RFX3: variants seen among roughly 807,000 people sequenced by gnomAD.
The protein encoded by RFX3 is transcription factor RFX3.
In RFX3, 14 loss-of-function variants were observed where a neutral mutation model predicts 98.6. The ratio of observed to expected loss-of-function variants is 0.14; its 90% confidence interval spans 0.09 to 0.22. RFX3 has a LOEUF of 0.22. Ranked by LOEUF, RFX3 falls within the 10% of genes least tolerant of loss-of-function variation. The pLI, the probability that RFX3 is intolerant of heterozygous loss-of-function variation, is 1.00. For missense variants in RFX3, 639 were observed against 926.9 expected, an observed-to-expected ratio of 0.69 and a Z score of 4.03; for synonymous variants, 383 against 328.4, an observed-to-expected ratio of 1.17 and a Z score of -1.80.
chr9:3,304,239 T>C (rs2130188906), intron 4 of RFX3, among the ~76,000 whole-genome samples: 1 of 152,166 alleles, frequency 6.6e-6, no homozygotes, highest in Non-Finnish European at 1.5e-5. Context: ...GTATTTATTA[T>C]ATTCATTTTA....
At chr9:3,374,711 A>T (rs1838255379) in intron 2 of RFX3, among the ~76,000 whole-genome samples, 1 of 152,194 alleles carries the variant, frequency 6.6e-6, no homozygotes, top group Non-Finnish European at 1.5e-5. Flanking sequence ...GAAATGGGAA[A>T]TTGTAATGGG....
chr9:3,261,143 G>A (rs1822833509), intron 13 of RFX3, among the ~76,000 whole-genome samples: 1 of 151,922 alleles, frequency 6.6e-6, no homozygotes, highest in Non-Finnish European at 1.5e-5. Flanking sequence ...TTACTGAAAT[G>A]TAATTCACAT....
At chr9:3,456,744 A>G (rs1847185179) in intron 1 of RFX3, among the ~76,000 whole-genome samples, 1 of 152,102 alleles carries the variant, frequency 6.6e-6, no homozygotes, top group Non-Finnish European at 1.5e-5. Flanking sequence ...CTCCACCTAC[A>G]TGGGGAAAAA....
intron 1 of RFX3, among the ~76,000 whole-genome samples, chr9:3,398,914 T>TAAAAAAAAAAAAAAAAA (rs71324247): frequency 1.2e-4 from 8 of 67,566 alleles, no homozygotes; most frequent in East Asian, 9.6e-4. Flanking sequence ...TAGAGTATAA[T>TAAAAAAAAAAAAAAAAA]AAAAAAAAAA....
chr9:3,338,306 A>T (rs1833434775), intron 3 of RFX3, among the ~76,000 whole-genome samples: 1 of 152,230 alleles, frequency 6.6e-6, no homozygotes, highest in South Asian at 2.1e-4. Flanking sequence ...AACAAAAAGC[A>T]TTTATTCAGC....
chr9:3,305,412 G>C (rs949965382), intron 4 of RFX3, among the ~76,000 whole-genome samples: 1 of 151,974 alleles, frequency 6.6e-6, no homozygotes, highest in Admixed American at 6.6e-5. Context: ...GGTTAAAATA[G>C]GTGAAAGCAA....
At chr9:3,407,734 G>A (rs950967610) in intron 1 of RFX3, among the ~76,000 whole-genome samples, 5 of 152,114 alleles carry the variant, frequency 3.3e-5, no homozygotes, top group South Asian at 2.1e-4. Flanking sequence ...ATAGTTTTCC[G>A]TGATAGATCA....
intron 1 of RFX3, among the ~76,000 whole-genome samples, chr9:3,444,261 C>T (rs757522961): frequency 1.3e-5 from 2 of 152,050 alleles, no homozygotes; most frequent in Non-Finnish European, 2.9e-5. Flanking sequence ...TTACAGGCAA[C>T]AATATAGATG....
chr9:3,453,879 ATTTTTAAATATACCCCGGTC>A (rs1156329183), intron 1 of RFX3, among the ~76,000 whole-genome samples: 2 of 152,046 alleles, frequency 1.3e-5, no homozygotes, highest in African/African-American at 4.8e-5. Context: ...TTTTAAATAT[ATTTTTAAATATACCCCGGTC>A]TTTTTGCTTT....
intron 11 of RFX3, among the ~76,000 whole-genome samples, chr9:3,267,203 T>C (rs964194405): frequency 6.6e-6 from 1 of 151,984 alleles, no homozygotes; most frequent in Non-Finnish European, 1.5e-5. Context: ...CAAGGCTCCA[T>C]AGTAATGTAG....
rs565133558 is a variant in RFX3 at position 3,340,846 on chromosome 9, C to T, written c.215+5821G>A. ...TCAACCATTGTGGAAGTCAGTGTGG[C>T]GATTCCTCAGGGATCTAGAACTAGA... On this transcript the variant is annotated intron_variant, in intron 3 of 16. Coordinates refer to ENST00000617270, the MANE Select transcript of RFX3 (RefSeq NM_001282116.2). Among the ~76,000 whole-genome samples the T allele has an allele frequency of 2.6e-5, 4 of 152,248 alleles. No homozygotes were observed. In the East Asian group the frequency reaches 5.8e-4, roughly 22 times the overall value.
chr9:3,514,409 C>G (rs1817942999), intron 1 of RFX3, among the ~76,000 whole-genome samples: 1 of 152,158 alleles, frequency 6.6e-6, no homozygotes, highest in Non-Finnish European at 1.5e-5. Context: ...CTACTACACT[C>G]TAATTGAAAA....
chr9:3,334,236 T>C (rs889633978), intron 3 of RFX3, among the ~76,000 whole-genome samples: 2 of 152,228 alleles, frequency 1.3e-5, no homozygotes, highest in African/African-American at 4.8e-5. Context: ...TACTGTTTTC[T>C]AGCACTACAC....
chr9:3,505,256 A>T lies in RFX3; in HGVS notation c.-9+20491T>A, dbSNP rs1256090640. ...AATATATATTTATATATATATGAAT[A>T]TATATTTATATATATATGAATATAT... On this transcript the variant is annotated intron_variant, in intron 1 of 16. Coordinates refer to ENST00000617270, the MANE Select transcript of RFX3 (RefSeq NM_001282116.2). Among the ~76,000 whole-genome samples, 63 of 74,704 alleles carry T rather than the reference A, an allele frequency of 8.4e-4. 6 individuals carry two copies. Among genetic ancestry groups the T allele is most frequent in the African/African-American group, 4.6e-3 (51 of 10,998 alleles). The allele number at this position is 74,704 out of a possible 152,430, so 49.0% of individuals were successfully genotyped here.
chr9:3,494,043 TCAA>T (rs1385502247), intron 1 of RFX3, among the ~76,000 whole-genome samples: 2 of 152,152 alleles, frequency 1.3e-5, no homozygotes, highest in Non-Finnish European at 1.5e-5. Context: ...CTCAAAGCAG[TCAA>T]CAAGTAATTA....
chr9:3,238,296 C>T (rs1819452079), intron 15 of RFX3, among the ~76,000 whole-genome samples: 1 of 152,136 alleles, frequency 6.6e-6, no homozygotes, highest in Non-Finnish European at 1.5e-5. Flanking sequence ...GTCAGGTTGA[C>T]ACTGTAAACT....
At chr9:3,407,682 T>C (rs541442761) in intron 1 of RFX3, among the ~76,000 whole-genome samples, 5 of 152,326 alleles carry the variant, frequency 3.3e-5, no homozygotes, top group Admixed American at 1.3e-4. Flanking sequence ...CATTCTTCTA[T>C]ATTATGGGAA....
intron 2 of RFX3, among the ~76,000 whole-genome samples, chr9:3,351,008 A>C (rs1308978391): frequency 6.6e-6 from 1 of 152,118 alleles, no homozygotes; most frequent in Non-Finnish European, 1.5e-5. Context: ...ATGATACTGT[A>C]ATGGTGGATA....
chr9:3,390,212 G>A (rs371488874), intron 2 of RFX3, among the ~76,000 whole-genome samples: 1 of 152,114 alleles, frequency 6.6e-6, no homozygotes, highest in African/African-American at 2.4e-5. Flanking sequence ...CCTGTGGTAG[G>A]TGATTGAATC....
Sources: allele counts gnomAD v4.1 joint callset (sites outside exome capture counted in the v4.1 genomes callset), GRCh38; gene constraint gnomAD v4.1.1; transcripts MANE v1.5; gene names NCBI Gene and HGNC (gene_info 2026-07-23, HGNC 2026-07-21).